The following EPHA6 variants were observed in gnomAD, a reference collection of about 807,000 sequenced individuals.
EPHA6 encodes EPH receptor A6.
Under a neutral mutation model 112.0 loss-of-function variants are expected in EPHA6, and 50 were observed. The ratio of observed to expected loss-of-function variants is 0.45; its 90% CI spans 0.36 to 0.56. The LOEUF (loss-of-function observed/expected upper bound fraction) is 0.56. EPHA6 is among the 20% of genes least tolerant of loss of function. EPHA6 has a pLI of 0.00. For missense variants in EPHA6, 1,280 were observed against 1,417.4 expected, an observed-to-expected ratio of 0.90 and a Z score of 1.56; for synonymous variants, 529 against 490.7, an observed-to-expected ratio of 1.08 and a Z score of -1.03.
chr3:96,903,185 A>T (rs1173278444), intron 2 of EPHA6, among the ~76,000 whole-genome samples: 1 of 152,112 alleles, frequency 6.6e-6, no homozygotes, highest in Non-Finnish European at 1.5e-5. Context: ...TGTTCTTGGG[A>T]GAGGTGTAAT....
At chr3:97,268,020 C>T (rs2079747379) in intron 5 of EPHA6, among the ~76,000 whole-genome samples, 1 of 152,116 alleles carries the variant, frequency 6.6e-6, no homozygotes, top group Non-Finnish European at 1.5e-5. Context: ...GGTGGTTGAA[C>T]TATTCAGTGA....
At chr3:96,815,285 C>T (rs550618554) in intron 1 of EPHA6, among the ~76,000 whole-genome samples, 1 of 152,076 alleles carries the variant, frequency 6.6e-6, no homozygotes, top group Non-Finnish European at 1.5e-5. Context: ...GCCGTGGGAC[C>T]GCTCCCCGCT....
intron 3 of EPHA6, among the ~76,000 whole-genome samples, chr3:97,032,191 G>T (rs916568006): frequency 7.2e-5 from 11 of 152,060 alleles, no homozygotes; most frequent in Middle Eastern, 3.4e-3. Context: ...GAAAACTATC[G>T]CAAGGACAAA....
chr3:97,288,144 G>GT (rs1294148286), intron 5 of EPHA6, among the ~76,000 whole-genome samples: 7 of 152,106 alleles, frequency 4.6e-5, no homozygotes, highest in African/African-American at 1.7e-4. Flanking sequence ...TGGGTATACT[G>GT]TGTGATGCTG....
chr3:97,334,194 A>G (rs1460012947), intron 5 of EPHA6, among the ~76,000 whole-genome samples: 1 of 152,056 alleles, frequency 6.6e-6, no homozygotes, highest in South Asian at 2.1e-4. Context: ...TGCTTAATTA[A>G]TTTTTTTAAT....
At chr3:97,710,635 C>T (rs1403622583) in intron 14 of EPHA6, among the ~76,000 whole-genome samples, 2 of 152,144 alleles carry the variant, frequency 1.3e-5, no homozygotes, top group Non-Finnish European at 2.9e-5. Flanking sequence ...ATATGAACTA[C>T]AAGATACAAG....
At chr3:97,313,975 T>C (rs1037459465) in intron 5 of EPHA6, among the ~76,000 whole-genome samples, 48 of 151,696 alleles carry the variant, frequency 3.2e-4, no homozygotes, top group African/African-American at 1.2e-3. Context: ...GTCATGGAGC[T>C]TTCTTCCTAT....
chr3:97,308,708 T>C (rs1688392718), intron 5 of EPHA6, among the ~76,000 whole-genome samples: 1 of 151,824 alleles, frequency 6.6e-6, no homozygotes, highest in Admixed American at 6.6e-5. Context: ...TTTATTTCGC[T>C]ATTTTATCAC....
intron 11 of EPHA6, among the ~76,000 whole-genome samples, chr3:97,573,372 T>C (rs2093353018): frequency 6.6e-6 from 1 of 152,130 alleles, no homozygotes; most frequent in African/African-American, 2.4e-5. Context: ...ACCTGGCTAA[T>C]ACAAAAAAGC....
chr3:96,971,786 C>A (rs912142809), intron 2 of EPHA6, among the ~76,000 whole-genome samples: 3 of 152,060 alleles, frequency 2.0e-5, no homozygotes, highest in Non-Finnish European at 2.9e-5. Flanking sequence ...TGGAACAAAT[C>A]ACATATGGGC....
At chr3:97,604,255 C>T (rs1449571645) in intron 12 of EPHA6, among the ~76,000 whole-genome samples, 1 of 151,658 alleles carries the variant, frequency 6.6e-6, no homozygotes, top group Admixed American at 6.6e-5. Context: ...AAGGGGAAAA[C>T]ATCTCCAATA....
intron 5 of EPHA6, among the ~76,000 whole-genome samples, chr3:97,344,095 G>A (rs1388843973): frequency 1.3e-5 from 2 of 152,136 alleles, no homozygotes; most frequent in African/African-American, 2.4e-5. Context: ...CACAGGTGGA[G>A]GGGAGTTCTG....
chr3:96,958,365 C>A (rs574776919), intron 2 of EPHA6, among the ~76,000 whole-genome samples: 2 of 151,652 alleles, frequency 1.3e-5, no homozygotes, highest in Non-Finnish European at 2.9e-5. Flanking sequence ...GATGTTAGCT[C>A]AACTTTCGTA....
At chr3:97,289,873 G>T (rs975133508) in intron 5 of EPHA6, among the ~76,000 whole-genome samples, 8 of 151,888 alleles carry the variant, frequency 5.3e-5, no homozygotes, top group Non-Finnish European at 8.8e-5. Context: ...TCGGCTAGTG[G>T]TCTATTGATC....
At position 97,475,332 on chromosome 3, in the gene EPHA6, A is replaced by T. The variant is rs1247724891; in HGVS notation, c.1895-20A>T. 1.9e-6 allele frequency: 3 copies of T among 1,573,950 alleles called. No individual in the cohort carries two copies. Among genetic ancestry groups the T allele is most frequent in the South Asian group, 1.1e-5 (1 of 88,474 alleles). On this transcript the variant is annotated intron_variant, in intron 7 of 17. Coordinates refer to ENST00000389672, the MANE Select transcript of EPHA6 (RefSeq NM_001080448.3). ...TGAAATGTCACCCAGGGAAATTTTA[A>T]TATTGTATCTCTGTTTCAGCTTCTG...
At chr3:97,411,576 A>T (rs2087719724) in intron 6 of EPHA6, among the ~76,000 whole-genome samples, 1 of 152,122 alleles carries the variant, frequency 6.6e-6, no homozygotes, top group South Asian at 2.1e-4. Flanking sequence ...AGAAAAAAAT[A>T]GTTGGTAAAA....
At chr3:96,866,002 T>C in intron 1 of EPHA6, among the ~76,000 whole-genome samples, 1 of 152,004 alleles carries the variant, frequency 6.6e-6, no homozygotes, top group Admixed American at 6.6e-5. Context: ...GATTTAGTCA[T>C]ATTTCAGTTA....
intron 2 of EPHA6, among the ~76,000 whole-genome samples, chr3:96,932,230 T>A (rs931463194): frequency 2.0e-5 from 3 of 152,178 alleles, no homozygotes; most frequent in Non-Finnish European, 4.4e-5. Flanking sequence ...CGGTTAAAGG[T>A]ACTATATTCA....
At chr3:97,645,758 G>A (rs906718427) in intron 14 of EPHA6, among the ~76,000 whole-genome samples, 4 of 152,032 alleles carry the variant, frequency 2.6e-5, no homozygotes, top group Admixed American at 6.5e-5. Flanking sequence ...TATATTTTAC[G>A]TATAATTCAG....
Sources: gnomAD v4.1 joint callset for allele counts (sites outside exome capture counted in the v4.1 genomes callset) on GRCh38, gnomAD v4.1.1 for gene constraint, MANE v1.5 for transcripts, NCBI Gene and HGNC (gene_info 2026-07-23, HGNC 2026-07-21) for gene names.